Variants in KIAA0586 observed in about 807,000 individuals in gnomAD.
KIAA0586 encodes the protein KIAA0586.
A neutral mutation model predicts 169.8 loss-of-function variants in KIAA0586; 144 were observed. That is an observed-to-expected ratio of 0.85 (90% confidence interval 0.74 to 0.97). The LOEUF (loss-of-function observed/expected upper bound fraction) is 0.97. Among genes scored for constraint, KIAA0586 ranks in the 50% least tolerant of loss-of-function variants. The pLI, the probability that KIAA0586 is intolerant of heterozygous loss-of-function variation, is 0.00. For missense variants in KIAA0586, 1,854 were observed against 1,823.0 expected, an observed-to-expected ratio of 1.02 and a Z score of -0.31; for synonymous variants, 625 against 612.4, an observed-to-expected ratio of 1.02 and a Z score of -0.30.
chr14:58,507,877 T>C (rs1743697), intron 27 of KIAA0586, among the ~76,000 whole-genome samples: 149,270 of 152,100 alleles, frequency 0.98, 73,307 homozygotes, highest in East Asian at 1. Context: ...CTCCGCCTCC[T>C]GGGTTCAAGC....
intron 30 of KIAA0586, among the ~76,000 whole-genome samples, chr14:58,544,724 G>A (rs918034916): frequency 2.0e-5 from 3 of 152,106 alleles, no homozygotes; most frequent in African/African-American, 7.2e-5. Flanking sequence ...TTTGTTTTAA[G>A]TTCCTTATAG....
intron 19 of KIAA0586, among the ~76,000 whole-genome samples, chr14:58,475,398 C>T (rs549061330): frequency 6.6e-6 from 1 of 152,160 alleles, no homozygotes; most frequent in South Asian, 2.1e-4. Flanking sequence ...CCCCACCACC[C>T]CTGCCCTGGT....
At position 58,488,100 on chromosome 14, in the gene KIAA0586, C is replaced by G. The variant is rs2141195740; in HGVS notation, c.3518C>G (p.Pro1173Arg). ...NPNSPQEELH[P>R]RAIVMSVAKD... is the part of the protein sequence containing the mutation. ...AACTCACCTCAAGAAGAACTTCATC[C>G]AAGAGCTATGTAAATGAGAACATAC... is the stretch of plus-strand genomic sequence containing the variant. Residue 1173 changes from proline to arginine, a missense_variant, in exon 23 of 31, where the codon CCA becomes CGA. Physicochemically the swap from Pro to Arg is moderately radical, Grantham distance 103 (BLOSUM62 -2). Coordinates refer to ENST00000652326, the MANE Select transcript of KIAA0586 (RefSeq NM_001329943.3). The G allele has an allele frequency of 3.8e-6, 6 of 1,593,392 alleles. No individual in the cohort carries two copies. Among genetic ancestry groups the G allele is most frequent in the Non-Finnish European group, 5.1e-6 (6 of 1,169,074 alleles).
intron 29 of KIAA0586, among the ~76,000 whole-genome samples, chr14:58,516,833 A>G (rs2044797551): frequency 6.6e-6 from 1 of 152,206 alleles, no homozygotes; most frequent in African/African-American, 2.4e-5. Context: ...AAAAAAGTCC[A>G]CACATTTATG....
At position 58,444,151 on chromosome 14, in the gene KIAA0586, A is replaced by G. The variant is rs370332963; in HGVS notation, c.783A>G (p.Leu261=). 13 of 1,609,108 alleles carry G rather than the reference A, an allele frequency of 8.1e-6. No homozygotes were observed. In the African/African-American group the frequency reaches 1.6e-4, roughly 20 times the overall value. Residue 261 remains leucine (L), a synonymous_variant, in exon 6 of 31, where the codon TTA becomes TTG. Coordinates refer to ENST00000652326, the MANE Select transcript of KIAA0586 (RefSeq NM_001329943.3). ...AGCACATAAGGCATCTTGAAAAGTT[A>G]CAACAACAACAAATAGATATTCAGG... ...MEQHIRHLEK[L]QQQQIDIQTH... is the part of the protein sequence containing the mutation.
At chr14:58,547,143 T>C (rs1033745560) in intron 30 of KIAA0586, among the ~76,000 whole-genome samples, 1 of 140,552 alleles carries the variant, frequency 7.1e-6, no homozygotes, top group Non-Finnish European at 1.5e-5. Flanking sequence ...ATGGCTGATA[T>C]CTTACCTCTT....
chr14:58,530,869 G>T (rs1220018632), intron 29 of KIAA0586, among the ~76,000 whole-genome samples: 1 of 152,148 alleles, frequency 6.6e-6, no homozygotes, highest in African/African-American at 2.4e-5. Context: ...AAGAGCTTCT[G>T]CACAGCAAAA....
intron 4 of KIAA0586, chr14:58,433,416 A>G (rs1451199556): frequency 4.6e-5 from 7 of 152,046 alleles, no homozygotes; most frequent in Admixed American, 4.6e-4. Flanking sequence ...TTTTCTTATA[A>G]TTTGTTTGTC....
chr14:58,490,303 C>T, intron 25 of KIAA0586, 63 bp downstream of exon 25: 3 of 908,366 alleles, frequency 3.3e-6, no homozygotes, highest in South Asian at 1.8e-5. Flanking sequence ...GAATTGGTTG[C>T]CACTGATCAG....
intron 4 of KIAA0586, among the ~76,000 whole-genome samples, chr14:58,437,142 G>A (rs376220613): frequency 6.6e-6 from 1 of 152,178 alleles, no homozygotes; most frequent in South Asian, 2.1e-4. Flanking sequence ...CTGGGCAGTG[G>A]TGGTATGGTA....
intron 29 of KIAA0586, among the ~76,000 whole-genome samples, chr14:58,525,103 G>A (rs1194351800): frequency 6.6e-6 from 1 of 152,100 alleles, no homozygotes; most frequent in Non-Finnish European, 1.5e-5. Context: ...GATAGGAAAT[G>A]AACCTATATT....
At chr14:58,539,834 T>A in intron 29 of KIAA0586, 1 of 300,080 alleles carries the variant, frequency 3.3e-6, no homozygotes, top group East Asian at 5.7e-5. Context: ...CCCCCCCCCA[T>A]CTGTGATGCA....
intron 8 of KIAA0586, among the ~76,000 whole-genome samples, chr14:58,452,812 T>A (rs2039503934): frequency 6.6e-6 from 1 of 152,196 alleles, no homozygotes; most frequent in African/African-American, 2.4e-5. Context: ...ATTGCAGGCA[T>A]GAGCCATTGC....
chr14:58,521,808 G>A, intron 29 of KIAA0586: 2 of 824,698 alleles, frequency 2.4e-6, no homozygotes, highest in Middle Eastern at 2.3e-4. Context: ...CATGAAGAAA[G>A]ATGAGACTAA....
the KIAA0586 span, among the ~76,000 whole-genome samples, chr14:58,557,899 A>ATTTTTTTTTTTTTTTTTTTTTTTT: frequency 2.1e-5 from 1 of 46,610 alleles, no homozygotes; most frequent in Non-Finnish European, 4.2e-5. Context: ...ATCCTGAGAA[A>ATTTTTTTTTTTTTTTTTTTTTTTT]TCTTTTTTTT....
At chr14:58,516,595 T>G (rs1595457028) in intron 29 of KIAA0586, among the ~76,000 whole-genome samples, 1 of 152,210 alleles carries the variant, frequency 6.6e-6, no homozygotes, top group African/African-American at 2.4e-5. Flanking sequence ...ATAGATTCAG[T>G]GCAATCTCAA....
chr14:58,545,100 G>T (rs1378585804), intron 30 of KIAA0586, among the ~76,000 whole-genome samples: 1 of 152,194 alleles, frequency 6.6e-6, no homozygotes, highest in East Asian at 1.9e-4. Flanking sequence ...CATACATGCA[G>T]AAGATTCATA....
the KIAA0586 span, among the ~76,000 whole-genome samples, chr14:58,557,367 G>T: frequency 1.3e-5 from 2 of 152,150 alleles, no homozygotes; most frequent in Non-Finnish European, 2.9e-5. Context: ...ATTGTGAGGT[G>T]GACAGTGGAA....
At chr14:58,521,799 A>G in intron 29 of KIAA0586, 1 of 814,690 alleles carries the variant, frequency 1.2e-6, no homozygotes, top group South Asian at 1.3e-5. Context: ...CAGTAGTTCC[A>G]TGAAGAAAGA....
Sources: allele counts gnomAD v4.1 joint callset (sites outside exome capture counted in the v4.1 genomes callset), GRCh38; gene constraint gnomAD v4.1.1; transcripts MANE v1.5; gene names NCBI Gene and HGNC (gene_info 2026-07-23, HGNC 2026-07-21).